Variants in DCAF13 observed in about 807,000 individuals in gnomAD.
DCAF13 encodes the protein DDB1- and CUL4-associated factor 13.
A neutral mutation model predicts 59.0 loss-of-function variants in DCAF13; 38 were observed. The observed-to-expected ratio is 0.64, with a 90% confidence interval of 0.50 to 0.84. The LOEUF is 0.84. Among genes scored for constraint, DCAF13 ranks in the 40% least tolerant of loss-of-function variants. The pLI is 0.00. For missense variants in DCAF13, 469 were observed against 558.4 expected (o/e 0.84, Z 1.61); for synonymous variants, 173 against 175.0 (o/e 0.99, Z 0.09).
chr8:103,418,845 TATATATATATATATATATATA>T (rs1371808104), intron 1 of DCAF13, among the ~76,000 whole-genome samples: 12 of 17,604 alleles, frequency 6.8e-4, no homozygotes, highest in African/African-American at 3.2e-3. Context: ...TATATATATA[TATATATATATATATATATATA>T]TTTTTTTTTT....
At chr8:103,433,079 G>C (rs1816886626) in intron 7 of DCAF13, among the ~76,000 whole-genome samples, 1 of 152,240 alleles carries the variant, frequency 6.6e-6, no homozygotes, top group South Asian at 2.1e-4. Context: ...TAATGCCTGA[G>C]TTGAATAGTT....
intron 1 of DCAF13, among the ~76,000 whole-genome samples, chr8:103,415,976 A>G (rs1201553446): frequency 6.6e-6 from 1 of 152,276 alleles, no homozygotes; most frequent in African/African-American, 2.4e-5. Flanking sequence ...TTCTCTTACC[A>G]TCCCTTAAGA....
At chr8:103,434,068 T>C (rs1816900970) in intron 7 of DCAF13, among the ~76,000 whole-genome samples, 1 of 152,104 alleles carries the variant, frequency 6.6e-6, no homozygotes, top group South Asian at 2.1e-4. Flanking sequence ...TTATAATAAG[T>C]GACTGTTGGA....
chr8:103,432,562 C>T (rs973065899), intron 6 of DCAF13, 97 bp from the exon 7 acceptor site: 1 of 688,758 alleles, frequency 1.5e-6, no homozygotes, highest in Non-Finnish European at 2.5e-6. Flanking sequence ...GAGCTGAGTA[C>T]TTTACACATA....
intron 8 of DCAF13, among the ~76,000 whole-genome samples, chr8:103,436,553 G>A (rs1219623728): frequency 1.3e-5 from 2 of 152,042 alleles, no homozygotes; most frequent in African/African-American, 4.8e-5. Context: ...CATATTATAT[G>A]TTATTAAATA....
chr8:103,426,699 A>T (rs1816796284), intron 4 of DCAF13, among the ~76,000 whole-genome samples: 1 of 152,178 alleles, frequency 6.6e-6, no homozygotes, highest in East Asian at 1.9e-4. Context: ...TAAGCAAACA[A>T]TTCCAAAATT....
At chr8:103,427,017 A>G in intron 4 of DCAF13, 80 bp from the exon 5 acceptor site, 1 of 1,116,738 alleles carries the variant, frequency 9.0e-7, no homozygotes, top group Non-Finnish European at 1.2e-6. Flanking sequence ...AAGATAGTAT[A>G]GATAAATATA....
Position 103,429,007 on chromosome 8 carries a change from G to C in DCAF13, c.625-1605G>C, listed in dbSNP as rs540197915. The C allele has an allele frequency of 6.0e-4, 92 of 152,126 alleles. 1 individual carries two copies. The highest frequency in any genetic ancestry group is 1.9e-3 in the African/African-American group (80 of 41,478). The allele number at this position is 152,126 out of a possible 1,614,324, so 9.4% of individuals were successfully genotyped here. ...TTAAACTTAATGGAAAGGGCATGTT[G>C]CTGTGAACAAATGGAGTGTATTTGT... On this transcript the variant is annotated intron_variant, in intron 5 of 10. Coordinates refer to ENST00000612750, the MANE Select transcript of DCAF13 (RefSeq NM_015420.7).
At chr8:103,437,866 A>G (rs902192238) in intron 8 of DCAF13, among the ~76,000 whole-genome samples, 8 of 152,334 alleles carry the variant, frequency 5.3e-5, no homozygotes, top group South Asian at 2.1e-4. Flanking sequence ...AAGTTCATTC[A>G]GTATTTACTG....
At position 103,420,449 on chromosome 8, in the gene DCAF13, G is replaced by T. The variant is rs1816707677; in HGVS notation, c.256G>T (p.Ala86Ser). ...GAAGCTGGCTACTGTCCTTTCTGGGGCGTGTGATGGAGAGGCAAGTGTCAA... is the reference window on the plus strand; with the variant it reads ...GAAGCTGGCTACTGTCCTTTCTGGGTCGTGTGATGGAGAGGCAAGTGTCAA... ...PEKLATVLSG[A>S]CDGEVRIWNL... The change falls in exon 2 of 11, where the codon GCG (alanine) becomes TCG (serine). Residue 86 changes from alanine to serine, a missense_variant. Ala to Ser is a moderately conservative substitution (Grantham distance 99). This residue lies in a region of DCAF13 where 355 missense variants were observed against 399.1 expected (regional missense o/e 0.89). Transcript: ENST00000612750. 1 of 1,613,546 alleles carries T rather than the reference G, an allele frequency of 6.2e-7. No individual in the cohort carries two copies. The highest frequency in any genetic ancestry group is 8.5e-7 in the Non-Finnish European group (1 of 1,179,704).
intron 6 of DCAF13, among the ~76,000 whole-genome samples, chr8:103,431,774 TAACA>T (rs1488674886): frequency 6.6e-6 from 1 of 152,188 alleles, no homozygotes; most frequent in East Asian, 1.9e-4. Context: ...CCCACCTACC[TAACA>T]CTCATTCTGT....
intron 3 of DCAF13, among the ~76,000 whole-genome samples, chr8:103,425,795 A>G (rs752518262): frequency 6.6e-6 from 1 of 152,182 alleles, no homozygotes; most frequent in East Asian, 1.9e-4. Flanking sequence ...CATGTTTATC[A>G]CAATATGCAT....
intron 5 of DCAF13, chr8:103,428,278 G>T (rs1816819567): frequency 6.6e-6 from 1 of 152,168 alleles, no homozygotes; most frequent in Non-Finnish European, 1.5e-5. Flanking sequence ...GACGCTACAG[G>T]TCTAGAATAG....
At chr8:103,418,915 ACT>A (rs1344479464) in intron 1 of DCAF13, among the ~76,000 whole-genome samples, 5 of 104,522 alleles carry the variant, frequency 4.8e-5, no homozygotes, top group Admixed American at 4.1e-4. Flanking sequence ...ATGAAGTCAC[ACT>A]CTGTCAGCCA....
chr8:103,418,020 C>T (rs191951704), intron 1 of DCAF13, among the ~76,000 whole-genome samples: 15 of 151,354 alleles, frequency 9.9e-5, no homozygotes, highest in African/African-American at 3.6e-4. Flanking sequence ...CCCAGCTACT[C>T]GGGAGGCTGA....
chr8:103,427,428 C>G, intron 5 of DCAF13, 176 bp downstream of exon 5: 1 of 623,934 alleles, frequency 1.6e-6, no homozygotes, highest in Non-Finnish European at 2.8e-6. Flanking sequence ...CAACATGTTT[C>G]CCAGCAGTTT....
intron 3 of DCAF13, 137 bp downstream of exon 3, chr8:103,421,219 C>A: frequency 1.4e-6 from 1 of 696,204 alleles, no homozygotes; most frequent in Non-Finnish European, 2.6e-6. Flanking sequence ...GCTTATTAAA[C>A]CTTGAAAATT....
chr8:103,441,718 C>T, intron 10 of DCAF13, 100 bp downstream of exon 10: 1 of 1,131,740 alleles, frequency 8.8e-7, no homozygotes, highest in Non-Finnish European at 1.3e-6. Context: ...AGTTTATGTG[C>T]TATTATTTAA....
chr8:103,436,199 TCTGAGAGGGTAC>T (rs1449800319), intron 8 of DCAF13, among the ~76,000 whole-genome samples: 1 of 152,218 alleles, frequency 6.6e-6, no homozygotes, highest in Non-Finnish European at 1.5e-5. Context: ...ATTTATCTTT[TCTGAGAGGGTAC>T]CTGAGTTTAA....
Sources: allele counts gnomAD v4.1 joint callset (sites outside exome capture counted in the v4.1 genomes callset), GRCh38; gene constraint gnomAD v4.1.1; regional missense constraint gnomAD v4.1.1; transcripts MANE v1.5; gene names NCBI Gene and HGNC (gene_info 2026-07-23, HGNC 2026-07-21).